The following NF1 variants were observed in gnomAD, a reference collection of about 807,000 sequenced individuals.
NF1 encodes neurofibromin.
A neutral mutation model predicts 325.7 loss-of-function variants in NF1; 122 were observed. That is an observed-to-expected ratio of 0.37 (90% CI 0.32 to 0.44). The LOEUF (loss-of-function observed/expected upper bound fraction) is 0.44, where lower values mean the gene tolerates loss of function less well. NF1 is among the 20% of genes least tolerant of loss of function. The pLI, the probability that NF1 is intolerant of heterozygous loss-of-function variation, is 1.00. For missense variants in NF1, 2,140 were observed against 3,415.4 expected (o/e 0.63, Z 9.31); for synonymous variants, 1,091 against 1,186.0 (o/e 0.92, Z 1.65).
At chr17:31,226,731 A>G (rs369603116) in intron 18 of NF1, 47 bp downstream of exon 18, 34 of 1,610,350 alleles carry the variant, frequency 2.1e-5, no homozygotes, top group South Asian at 6.6e-5. Flanking sequence ...CTCAAAGCAC[A>G]TGGCATCTGA....
chr17:31,330,716 G>A, intron 39 of NF1: 1 of 561,916 alleles, frequency 1.8e-6, no homozygotes. Context: ...GATAATAAAA[G>A]CAAAGCGGCA....
chr17:31,291,045 T>A (rs1343803829), intron 36 of NF1, among the ~76,000 whole-genome samples: 1 of 151,866 alleles, frequency 6.6e-6, no homozygotes, highest in Non-Finnish European at 1.5e-5. Context: ...AATAAATAAG[T>A]TAATGTAACT....
At chr17:31,124,592 A>ATTTTTTTTTT (rs35335433) in intron 1 of NF1, among the ~76,000 whole-genome samples, 8 of 62,918 alleles carry the variant, frequency 1.3e-4, no homozygotes, top group Non-Finnish European at 2.3e-4. Context: ...GTATTCTTGA[A>ATTTTTTTTTT]TTTTTTTTTT....
chr17:31,270,968 C>T (rs1400920369), intron 36 of NF1, among the ~76,000 whole-genome samples: 2 of 152,176 alleles, frequency 1.3e-5, no homozygotes, highest in African/African-American at 4.8e-5. Flanking sequence ...TTAACAGGCA[C>T]TCCAAGTGTT....
chr17:31,293,093 G>A lies in NF1; in HGVS notation c.4835+27754G>A, dbSNP rs2068375549. On this transcript the variant is annotated intron_variant, in intron 36 of 57. Transcript: ENST00000358273. ...CTTGGGAGGCTGAGGTGAGAGAATT[G>A]CTTGAACCTGGGAGGGGGAGATTGC... Among the ~76,000 whole-genome samples, 3 of 147,084 alleles carry A rather than the reference G, an allele frequency of 2.0e-5. No individual in the cohort carries two copies. In the Admixed American group the frequency reaches 2.1e-4, roughly 10 times the overall value.
In NF1 at chr17:31,227,611, G is replaced by C. The variant is rs763688567; in HGVS notation, c.2409+5G>C. 11 of 1,613,172 alleles carry C rather than the reference G, an allele frequency of 6.8e-6. No individual in the cohort carries two copies. In the South Asian group the frequency reaches 1.2e-4, roughly 18 times the overall value. On this transcript the variant is annotated splice_donor_5th_base_variant and intron_variant, in intron 20 of 57. Transcript: ENST00000358273. ...GCCAAAATGGAAGATGGCCAGGTAAGTCTGTAAAGTTGACTTTTGTCTGTT... is the reference window on the plus strand; with the variant it reads ...GCCAAAATGGAAGATGGCCAGGTAACTCTGTAAAGTTGACTTTTGTCTGTT...
At chr17:31,301,924 TC>T (rs1463647227) in intron 36 of NF1, among the ~76,000 whole-genome samples, 1 of 152,234 alleles carries the variant, frequency 6.6e-6, no homozygotes, top group Non-Finnish European at 1.5e-5. Flanking sequence ...ATAAACTTTC[TC>T]TTCTGGATCT....
At chr17:31,249,753 A>G (rs747586591) in intron 30 of NF1, among the ~76,000 whole-genome samples, 2 of 152,154 alleles carry the variant, frequency 1.3e-5, no homozygotes, top group Non-Finnish European at 2.9e-5. Context: ...ATGTTCTTTT[A>G]TGTCTTCTAC....
intron 36 of NF1, among the ~76,000 whole-genome samples, chr17:31,285,855 A>AG (rs1597781605): frequency 6.6e-6 from 1 of 152,170 alleles, no homozygotes; most frequent in Non-Finnish European, 1.5e-5. Context: ...ACTAGCTCTT[A>AG]GTGGTATTTG....
chr17:31,283,742 C>T (rs991204866), intron 36 of NF1, among the ~76,000 whole-genome samples: 3 of 152,144 alleles, frequency 2.0e-5, no homozygotes, highest in Admixed American at 6.5e-5. Context: ...TCCACCTTGG[C>T]GTCCCAAAGT....
At chr17:31,345,363 T>A (rs1456167465) in intron 48 of NF1, among the ~76,000 whole-genome samples, 3 of 152,218 alleles carry the variant, frequency 2.0e-5, no homozygotes, top group African/African-American at 7.2e-5. Flanking sequence ...AGGGGTTGTC[T>A]TAAAAGTCTC....
chr17:31,328,196 AT>A (rs2069395921), intron 38 of NF1, among the ~76,000 whole-genome samples: 1 of 152,194 alleles, frequency 6.6e-6, no homozygotes, highest in Non-Finnish European at 1.5e-5. Flanking sequence ...AAGTCAGATT[AT>A]TGCTTTACAA....
At chr17:31,343,753 C>T (rs553150243) in intron 48 of NF1, among the ~76,000 whole-genome samples, 12 of 151,266 alleles carry the variant, frequency 7.9e-5, no homozygotes, top group Admixed American at 2.6e-4. Context: ...CTTAGGAGTT[C>T]GAGACCAGCC....
chr17:31,175,778 T>C (rs1169746999), intron 5 of NF1, among the ~76,000 whole-genome samples: 1 of 152,176 alleles, frequency 6.6e-6, no homozygotes, highest in Non-Finnish European at 1.5e-5. Context: ...CATGTGGTGT[T>C]TGGTTTTCTG....
Position 31,181,801 on chromosome 17 carries a change from ATTT to A in NF1, c.730+30_730+32del, listed in dbSNP as rs71142032. ...GATATGGCTGGTAAGGATACGATTGATTTTTTTTTTTTTTTTGTCTTTTAAATG... is the reference window on the plus strand; with the variant it reads ...GATATGGCTGGTAAGGATACGATTGATTTTTTTTTTTTTGTCTTTTAAATG... On this transcript the variant is annotated intron_variant, in intron 7 of 57. Transcript: ENST00000358273. The A allele has an allele frequency of 2.7e-4, 327 of 1,217,478 alleles. No individual in the cohort carries two copies. The highest frequency in any genetic ancestry group is 9.9e-4 in the Middle Eastern group (4 of 4,028). The allele number at this position is 1,217,478 out of a possible 1,614,324, so 75.4% of individuals were successfully genotyped here.
chr17:31,335,669 T>G lies in NF1; in HGVS notation c.6006+638T>G, dbSNP rs543092611. 2.2e-3 allele frequency among the ~76,000 whole-genome samples: 332 copies of G among 151,600 alleles called. 1 individual carries two copies. The highest frequency in any genetic ancestry group is 7.5e-3 in the African/African-American group (312 of 41,394). ...CCCTAGAAAACATCCTGGTACTTAA[T>G]GTCATTTCCTATATTTTATTTTTTT... is the stretch of plus-strand genomic sequence containing the variant. On this transcript the variant is annotated intron_variant, in intron 40 of 57. Transcript: ENST00000358273.
chr17:31,209,285 C>G (rs970236067), intron 12 of NF1, among the ~76,000 whole-genome samples: 1 of 152,202 alleles, frequency 6.6e-6, no homozygotes, highest in Non-Finnish European at 1.5e-5. Flanking sequence ...ACTGATAAAC[C>G]TGAGCCATTA....
chr17:31,279,438 G>C, intron 36 of NF1, among the ~76,000 whole-genome samples: 1 of 152,124 alleles, frequency 6.6e-6, no homozygotes, highest in East Asian at 1.9e-4. Context: ...AAACATTTTA[G>C]TAGTATATAG....
At chr17:31,276,584 G>A (rs1428736732) in intron 36 of NF1, among the ~76,000 whole-genome samples, 7 of 152,196 alleles carry the variant, frequency 4.6e-5, no homozygotes, top group Admixed American at 3.9e-4. Flanking sequence ...GCATAGATGG[G>A]AGGTTTTTAG....
Sources: allele counts gnomAD v4.1 joint callset (sites outside exome capture counted in the v4.1 genomes callset), GRCh38; gene constraint gnomAD v4.1.1; transcripts MANE v1.5; gene names NCBI Gene and HGNC (gene_info 2026-07-23, HGNC 2026-07-21).